Variants in SCN2A observed in about 807,000 individuals in gnomAD.
The protein encoded by SCN2A is sodium channel protein type 2 subunit alpha.
Under a neutral mutation model 188.7 loss-of-function variants are expected in SCN2A, and 20 were observed. That is an observed-to-expected ratio of 0.11 (90% CI 0.07 to 0.15). The LOEUF is 0.15. Ranked by LOEUF, SCN2A falls within the 10% of genes least tolerant of loss-of-function variation. SCN2A has a pLI of 1.00. For synonymous variants in SCN2A, 804 were observed against 833.1 expected (o/e 0.97, Z 0.60); for missense variants, 1,278 against 2,445.0 (o/e 0.52, Z 10.07).
intron 20 of SCN2A, 140 bp downstream of exon 20, chr2:165,370,439 A>G: frequency 2.3e-6 from 2 of 864,870 alleles, no homozygotes; most frequent in Non-Finnish European, 3.9e-6. Flanking sequence ...CAGTGAGAGG[A>G]TGCCTCAAAA....
chr2:165,317,341 G>T (rs1174497482), intron 11 of SCN2A, among the ~76,000 whole-genome samples: 1 of 135,622 alleles, frequency 7.4e-6, no homozygotes, highest in Non-Finnish European at 1.6e-5. Context: ...TTCTGAAAAG[G>T]AAGGAAGAAA....
At chr2:165,365,329 T>A in intron 18 of SCN2A, 66 bp downstream of exon 18, 6 of 1,577,246 alleles carry the variant, frequency 3.8e-6, no homozygotes, top group Non-Finnish European at 4.4e-6. Context: ...TCCTATTTAT[T>A]TAAATGTCTG....
intron 1 of SCN2A, chr2:165,274,420 C>A (rs1414046970): frequency 1.3e-5 from 2 of 149,890 alleles, no homozygotes; most frequent in African/African-American, 4.9e-5. Context: ...ATTGAGTGAA[C>A]CGAGGAACAG....
rs10680037 is a variant in SCN2A, at chr2:165,366,717, C to CAAAA, written c.3521-487_3521-484dup. On this transcript the variant is annotated intron_variant, in intron 18 of 26. Transcript: ENST00000375437. Reference sequence around the variant, plus strand: ...CGGACAATAGAGTGAGACTCCCTCTCAAAAAAAAAAAAAAAAGGTGGAATA... The same window carrying CAAAA: ...CGGACAATAGAGTGAGACTCCCTCTCAAAAAAAAAAAAAAAAAAAAGGTGGAATA... Among the ~76,000 whole-genome samples the CAAAA allele has an allele frequency of 1.2e-3, 145 of 125,446 alleles. 1 individual carries two copies. Among genetic ancestry groups the CAAAA allele is most frequent in the African/African-American group, 4.2e-3 (138 of 32,658 alleles). The allele number at this position is 125,446 out of a possible 152,430, so 82.3% of individuals were successfully genotyped here.
At chr2:165,246,396 T>C (rs1401851945) in intron 1 of SCN2A, among the ~76,000 whole-genome samples, 1 of 152,090 alleles carries the variant, frequency 6.6e-6, no homozygotes, top group East Asian at 1.9e-4. Context: ...ACTCCCATGG[T>C]TTTATCTTGA....
chr2:165,316,050 G>A (rs1697729968), intron 11 of SCN2A, among the ~76,000 whole-genome samples: 1 of 152,190 alleles, frequency 6.6e-6, no homozygotes, highest in Non-Finnish European at 1.5e-5. Flanking sequence ...ATTATCAGCA[G>A]ATGGTTCCCA....
intron 13 of SCN2A, chr2:165,328,061 C>T (rs1465082465): frequency 6.6e-6 from 1 of 152,050 alleles, no homozygotes; most frequent in African/African-American, 2.4e-5. Flanking sequence ...ATACACGTCC[C>T]TTTCTTATTG....
chr2:165,299,807 G>A (rs1696706546), intron 3 of SCN2A, among the ~76,000 whole-genome samples: 1 of 152,206 alleles, frequency 6.6e-6, no homozygotes, highest in Non-Finnish European at 1.5e-5. Context: ...TTTGGCCACA[G>A]TTGGGAGGTC....
At chr2:165,303,466 G>A (rs946971237) in intron 3 of SCN2A, among the ~76,000 whole-genome samples, 1 of 151,682 alleles carries the variant, frequency 6.6e-6, no homozygotes, top group African/African-American at 2.4e-5. Flanking sequence ...TAGTAGAGAC[G>A]GTATTTCACC....
At position 165,389,962 on chromosome 2, in the gene SCN2A, T is replaced by A; in HGVS notation, c.*138T>A. On this transcript the variant is annotated 3_prime_UTR_variant, in exon 27 of 27. Coordinates refer to ENST00000375437, the MANE Select transcript of SCN2A (RefSeq NM_001040142.2). This position sits in a 1 kb window ranked among gnomAD's most constrained non-coding sequence, Gnocchi z 4.2. ...CAAATGTATACTTAAGGTCAGTGCC[T>A]ATAACAAGACAGAGACCTCTGGTCA... 7.2e-7 allele frequency: 1 copy of A among 1,396,556 alleles called. No homozygotes were observed. The highest frequency in any genetic ancestry group is 9.5e-7 in the Non-Finnish European group (1 of 1,052,206). The allele number at this position is 1,396,556 out of a possible 1,614,324, so 86.5% of individuals were successfully genotyped here. A position where few individuals can be genotyped will look rare whatever the true frequency, so the allele number is the denominator to read the frequency against.
rs770000484 is a variant in SCN2A at position 165,315,504 on chromosome 2, G to C, written c.1417G>C (p.Asp473His). ...AAAAASAESR[D>H]FSGAGGIGVF... ...TGCAGCCGCATCTGCTGAATCAAGA[G>C]ACTTCAGTGGTGCTGGTGGGATAGG... Residue 473 changes from aspartate to histidine, a missense_variant, in exon 11 of 27, where the codon GAC becomes CAC. Asp to His is a moderately conservative substitution (Grantham distance 81). Coordinates refer to ENST00000375437, the MANE Select transcript of SCN2A (RefSeq NM_001040142.2). 2.2e-5 allele frequency: 36 copies of C among 1,613,824 alleles called. No individual in the cohort carries two copies. In the South Asian group the frequency reaches 4.0e-4, roughly 18 times the overall value.
chr2:165,291,390 TC>T (rs1696117654), intron 1 of SCN2A, among the ~76,000 whole-genome samples: 1 of 137,338 alleles, frequency 7.3e-6, no homozygotes, highest in East Asian at 2.2e-4. Flanking sequence ...CTTCCTTCCT[TC>T]CTTCCTTCCT....
At chr2:165,341,250 C>T (rs1699299167) in intron 14 of SCN2A, among the ~76,000 whole-genome samples, 1 of 152,122 alleles carries the variant, frequency 6.6e-6, no homozygotes, top group South Asian at 2.1e-4. Context: ...CCCGCCACCG[C>T]GCCCGGCTAA....
At chr2:165,249,533 C>A (rs1166667457) in intron 1 of SCN2A, among the ~76,000 whole-genome samples, 1 of 151,968 alleles carries the variant, frequency 6.6e-6, no homozygotes, top group Non-Finnish European at 1.5e-5. Context: ...TAGAAGCACG[C>A]CTTAGCTTAG....
Position 165,240,683 on chromosome 2 carries a change from G to A in SCN2A, c.-52+1043G>A, listed in dbSNP as rs1362969451. 6.6e-5 allele frequency among the ~76,000 whole-genome samples: 10 copies of A among 150,908 alleles called. No individual in the cohort carries two copies. The East Asian group carries it at 2.0e-3, about 30-fold the overall frequency. On this transcript the variant is annotated intron_variant, in intron 1 of 26. Coordinates refer to ENST00000375437, the MANE Select transcript of SCN2A (RefSeq NM_001040142.2). ...GCTGTGTGTGTGTGTGTGTGTGTGT[G>A]TGTGTGTGTGTGATGGTGGAGGTGG...
Position 165,389,939 on chromosome 2 carries a change from A to C in SCN2A, c.*115A>C. The C allele has an allele frequency of 6.7e-7, 1 of 1,499,160 alleles. No individual in the cohort carries two copies. Among genetic ancestry groups the C allele is most frequent in the South Asian group, 1.3e-5 (1 of 77,260 alleles). 92.9% of individuals were successfully genotyped at this position (1,499,160 alleles called of 1,614,324 possible). A position where few individuals can be genotyped will look rare whatever the true frequency, so the allele number is the denominator to read the frequency against. On this transcript the variant is annotated 3_prime_UTR_variant, in exon 27 of 27. Coordinates refer to ENST00000375437, the MANE Select transcript of SCN2A (RefSeq NM_001040142.2). The surrounding 1 kb of genome is among the most constrained non-coding windows in gnomAD (Gnocchi z 4.2). Reference sequence around the variant, plus strand: ...CTATGCCAAACTGACTGTTTTTACAAATGTATACTTAAGGTCAGTGCCTAT... The same window carrying C: ...CTATGCCAAACTGACTGTTTTTACACATGTATACTTAAGGTCAGTGCCTAT...
chr2:165,346,855 T>G (rs1699615984), intron 16 of SCN2A, among the ~76,000 whole-genome samples: 1 of 152,336 alleles, frequency 6.6e-6, no homozygotes, highest in East Asian at 1.9e-4. Context: ...TCATCATCAC[T>G]GGTCATTAGA....
chr2:165,265,184 G>T (rs946238441), intron 1 of SCN2A, among the ~76,000 whole-genome samples: 11 of 151,630 alleles, frequency 7.3e-5, no homozygotes, highest in African/African-American at 2.4e-4. Flanking sequence ...GTGTGAGATG[G>T]TATCTCTTTG....
At chr2:165,327,173 T>A in intron 13 of SCN2A, 189 bp downstream of exon 13, 1 of 638,216 alleles carries the variant, frequency 1.6e-6, no homozygotes, top group Non-Finnish European at 2.6e-6. Flanking sequence ...TTTTTATATT[T>A]AGCCTCCAGA....
Sources: gnomAD v4.1 joint callset for allele counts (sites outside exome capture counted in the v4.1 genomes callset) on GRCh38, gnomAD v4.1.1 for gene constraint, Gnocchi (gnomAD v3.1) non-coding constraint, MANE v1.5 for transcripts, NCBI Gene and HGNC (gene_info 2026-07-23, HGNC 2026-07-21) for gene names.